The following ANKFN1 variants were observed in gnomAD, a reference collection of about 807,000 sequenced individuals.
The protein encoded by ANKFN1 is ankyrin repeat and fibronectin type III domain containing 1.
In ANKFN1, 74 loss-of-function variants were observed where a neutral mutation model predicts 108.7. The observed-to-expected ratio is 0.68, with a 90% CI of 0.56 to 0.83. ANKFN1 has a LOEUF of 0.83. Ranked by LOEUF, ANKFN1 falls within the 40% of genes least tolerant of loss-of-function variation. The pLI is 0.00. For synonymous variants in ANKFN1, 547 were observed against 516.2 expected (o/e 1.06, Z -0.81); for missense variants, 1,505 against 1,382.3 (o/e 1.09, Z -1.41).
chr17:56,378,188 AC>A (rs760251303), intron 8 of ANKFN1, among the ~76,000 whole-genome samples: 7 of 152,054 alleles, frequency 4.6e-5, no homozygotes, highest in Non-Finnish European at 8.8e-5. Flanking sequence ...GCCGACCATC[AC>A]CTTCAGTTTC....
chr17:56,206,552 T>C (rs567768720), intron 1 of ANKFN1: 1 of 152,288 alleles, frequency 6.6e-6, no homozygotes, highest in East Asian at 1.9e-4. Flanking sequence ...ACTGTGGTTA[T>C]CAGCTATGGA....
intron 3 of ANKFN1, among the ~76,000 whole-genome samples, chr17:56,263,070 G>A (rs1056908425): frequency 2.6e-5 from 4 of 152,268 alleles, no homozygotes; most frequent in South Asian, 2.1e-4. Context: ...TTTTATTTCC[G>A]GAAAGCAATC....
intron 3 of ANKFN1, among the ~76,000 whole-genome samples, chr17:56,260,848 G>A (rs1042784527): frequency 1.3e-5 from 2 of 152,192 alleles, no homozygotes; most frequent in Non-Finnish European, 2.9e-5. Flanking sequence ...TGCCTGGGTG[G>A]CTTCCTAATT....
intron 8 of ANKFN1, among the ~76,000 whole-genome samples, chr17:56,401,923 A>G (rs1419247802): frequency 1.3e-5 from 2 of 152,114 alleles, no homozygotes; most frequent in Admixed American, 6.5e-5. Context: ...ATTTTGTTGA[A>G]TGTTTTTTCT....
chr17:56,434,050 T>C lies in ANKFN1; in HGVS notation c.911-6277T>C, dbSNP rs551705037. 4.6e-5 allele frequency among the ~76,000 whole-genome samples: 7 copies of C among 152,178 alleles called. No homozygotes were observed. The South Asian group carries it at 6.2e-4, about 14-fold the overall frequency. Reference sequence around the variant, plus strand: ...GACTCCATCTAAACAAAAAAAAATTTAGGTAAGAGCCATAATATAATAACT... The same window carrying C: ...GACTCCATCTAAACAAAAAAAAATTCAGGTAAGAGCCATAATATAATAACT... On this transcript the variant is annotated intron_variant, in intron 8 of 20. Transcript: ENST00000682825.
chr17:56,402,417 G>A (rs1166804479), intron 8 of ANKFN1, among the ~76,000 whole-genome samples: 2 of 152,034 alleles, frequency 1.3e-5, no homozygotes, highest in Non-Finnish European at 2.9e-5. Flanking sequence ...TAAGCAAGGA[G>A]GGTTGTATTT....
intron 8 of ANKFN1, among the ~76,000 whole-genome samples, chr17:56,385,820 A>C (rs1357565608): frequency 6.6e-6 from 1 of 152,220 alleles, no homozygotes; most frequent in Non-Finnish European, 1.5e-5. Context: ...GTCAGGAAAC[A>C]ACAGATGCTG....
At chr17:56,113,524 T>C (rs1364559445) in intron 4 of ANKFN1, among the ~76,000 whole-genome samples, 1 of 152,178 alleles carries the variant, frequency 6.6e-6, no homozygotes, top group Non-Finnish European at 1.5e-5. Flanking sequence ...CAAGCTTTGA[T>C]TGAATATCTG....
At chr17:56,154,780 C>T (rs1340860054) in intron 1 of ANKFN1, among the ~76,000 whole-genome samples, 1 of 152,150 alleles carries the variant, frequency 6.6e-6, no homozygotes, top group East Asian at 1.9e-4. Flanking sequence ...TTGGGGGGCT[C>T]CATTCATGGT....
chr17:56,394,114 C>T (rs2047512619), intron 8 of ANKFN1, among the ~76,000 whole-genome samples: 1 of 152,146 alleles, frequency 6.6e-6, no homozygotes, highest in African/African-American at 2.4e-5. Context: ...TGTCATTGAC[C>T]AAAGTGTTGA....
chr17:56,175,197 C>T (rs1205198760), intron 1 of ANKFN1, among the ~76,000 whole-genome samples: 1 of 152,188 alleles, frequency 6.6e-6, no homozygotes, highest in Non-Finnish European at 1.5e-5. Context: ...TGAGGACCTA[C>T]TTCATATTGT....
chr17:56,289,636 C>T (rs994842654), intron 3 of ANKFN1, among the ~76,000 whole-genome samples: 6 of 152,358 alleles, frequency 3.9e-5, no homozygotes, highest in East Asian at 1.9e-4. Flanking sequence ...TTTCTCCTGG[C>T]GCCTGGAGCC....
At chr17:56,287,334 A>T (rs1204945723) in intron 3 of ANKFN1, among the ~76,000 whole-genome samples, 1 of 152,192 alleles carries the variant, frequency 6.6e-6, no homozygotes, top group East Asian at 1.9e-4. Flanking sequence ...CTGGTTCTAC[A>T]GCATCATGGC....
rs372185599 is a variant in ANKFN1, at chr17:56,436,824, C to T, written c.911-3503C>T. Reference sequence around the variant, plus strand: ...TGCACTCCAGCCTAGGCAACAAGAGCGAAACTCCATCTCAAAAAAAAAAAA... The same window carrying T: ...TGCACTCCAGCCTAGGCAACAAGAGTGAAACTCCATCTCAAAAAAAAAAAA... On this transcript the variant is annotated intron_variant, in intron 8 of 20. Coordinates refer to ENST00000682825, the MANE Select transcript of ANKFN1 (RefSeq NM_001370326.1). 7.7e-5 allele frequency among the ~76,000 whole-genome samples: 11 copies of T among 143,372 alleles called. No homozygotes were observed. The East Asian group carries it at 8.1e-4, about 11-fold the overall frequency. The allele number at this position is 143,372 out of a possible 152,430, so 94.1% of individuals were successfully genotyped here. A position where few individuals can be genotyped will look rare whatever the true frequency, so the allele number is the denominator to read the frequency against.
At chr17:56,385,497 G>A (rs2144841708) in intron 8 of ANKFN1, among the ~76,000 whole-genome samples, 1 of 152,272 alleles carries the variant, frequency 6.6e-6, no homozygotes. Flanking sequence ...AAGAGCTTCT[G>A]CACAGCAAAA....
chr17:56,126,362 G>C (rs193269347), intron 4 of ANKFN1, among the ~76,000 whole-genome samples: 2 of 152,142 alleles, frequency 1.3e-5, no homozygotes, highest in African/African-American at 4.8e-5. Context: ...CACAATGAAG[G>C]CATGCTGTCT....
At chr17:56,280,480 G>A (rs968094551) in intron 3 of ANKFN1, among the ~76,000 whole-genome samples, 2 of 152,090 alleles carry the variant, frequency 1.3e-5, no homozygotes, top group African/African-American at 4.8e-5. Context: ...CAGTTCTCAG[G>A]TCTTTGTCCA....
At chr17:56,432,606 G>T (rs1450667726) in intron 8 of ANKFN1, among the ~76,000 whole-genome samples, 3 of 152,204 alleles carry the variant, frequency 2.0e-5, no homozygotes, top group Admixed American at 6.5e-5. Flanking sequence ...CCACCCTGCA[G>T]GCTGTGTCCT....
At chr17:56,326,018 A>ACTTT (rs1444974752) in intron 3 of ANKFN1, among the ~76,000 whole-genome samples, 5 of 152,190 alleles carry the variant, frequency 3.3e-5, no homozygotes, top group African/African-American at 1.2e-4. Flanking sequence ...TCCTTTCACT[A>ACTTT]CACGCACACA....
Sources: gnomAD v4.1 joint callset for allele counts (sites outside exome capture counted in the v4.1 genomes callset) on GRCh38, gnomAD v4.1.1 for gene constraint, MANE v1.5 for transcripts, NCBI Gene and HGNC (gene_info 2026-07-23, HGNC 2026-07-21) for gene names.